POLR2B: variants seen among roughly 807,000 people sequenced by gnomAD.
POLR2B encodes RNA polymerase II subunit B, also known as DNA-directed RNA polymerase II subunit RPB2.
In POLR2B, 57 loss-of-function variants were observed where a neutral mutation model predicts 144.6. That is an observed-to-expected ratio of 0.39 (90% CI 0.32 to 0.49). The LOEUF (loss-of-function observed/expected upper bound fraction) is 0.49, where lower values mean the gene tolerates loss of function less well. Among genes scored for constraint, POLR2B ranks in the 20% least tolerant of loss-of-function variants. POLR2B has a pLI of 0.83. For synonymous variants in POLR2B, 442 were observed against 469.8 expected, an observed-to-expected ratio of 0.94 and a Z score of 0.77; for missense variants, 595 against 1,467.4, an observed-to-expected ratio of 0.41 and a Z score of 9.71.
At chr4:56,986,202 T>C (rs901569683) in intron 1 of POLR2B, 152 bp from the exon 2 acceptor site, 2 of 721,192 alleles carry the variant, frequency 2.8e-6, no homozygotes, top group Non-Finnish European at 2.5e-6. Flanking sequence ...TAAATTATTT[T>C]ATTAATGTAA....
chr4:57,013,194 C>G (rs1465958797), intron 13 of POLR2B, among the ~76,000 whole-genome samples: 1 of 152,122 alleles, frequency 6.6e-6, no homozygotes, highest in African/African-American at 2.4e-5. Context: ...CCAGGCTGGT[C>G]TTGAAGTCCT....
intron 6 of POLR2B, 78 bp from the exon 7 acceptor site, chr4:56,999,539 T>A: frequency 1.1e-6 from 1 of 893,936 alleles, no homozygotes; most frequent in East Asian, 2.6e-5. Context: ...TATATATATA[T>A]TAAATAGTTC....
chr4:56,990,854 C>T lies in POLR2B; in HGVS notation c.199C>T (p.Leu67=). ...TGTGGAAGACGCTCCTCCTATAGAC[C>T]TACAGGCTGAAGCTCAGCATGCTAG... ...RIVEDAPPID[L]QAEAQHASGE... is the part of the protein sequence containing the mutation. Residue 67 remains leucine, a synonymous_variant, in exon 3 of 25, where the codon CTA becomes TTA. Transcript: ENST00000314595. 2 of 1,613,462 alleles carry T rather than the reference C, an allele frequency of 1.2e-6. No individual in the cohort carries two copies. The highest frequency in any genetic ancestry group is 1.7e-6 in the Non-Finnish European group (2 of 1,179,646).
At chr4:56,979,862 A>G (rs1031807974) in intron 1 of POLR2B, among the ~76,000 whole-genome samples, 3 of 150,408 alleles carry the variant, frequency 2.0e-5, no homozygotes, top group African/African-American at 4.9e-5. Context: ...TCGCACCACT[A>G]CACCACAGCC....
chr4:57,022,110 TA>T, intron 17 of POLR2B, 41 bp from the exon 18 acceptor site: 1 of 1,214,620 alleles, frequency 8.2e-7, no homozygotes, highest in Non-Finnish European at 1.2e-6. Context: ...GCCCTTTTGT[TA>T]AAAGAAAATA....
rs1164430907 is a variant in POLR2B, at chr4:56,994,278, T to C, written c.244-126T>C. 2.3e-5 allele frequency: 14 copies of C among 605,966 alleles called. No homozygotes were observed. In the Middle Eastern group the frequency reaches 1.3e-3, roughly 55 times the overall value. The allele number at this position is 605,966 out of a possible 1,614,324, so 37.5% of individuals were successfully genotyped here. A position where few individuals can be genotyped will look rare whatever the true frequency, so the allele number is the denominator to read the frequency against. ...TTGGGAAGTCCCCATTTCAGTAAAA[T>C]GGATTAATTTTGCCAGTTTGTAGAG... On this transcript the variant is annotated intron_variant, in intron 3 of 24. Transcript: ENST00000314595.
intron 1 of POLR2B, among the ~76,000 whole-genome samples, chr4:56,983,202 C>G (rs1423982328): frequency 6.6e-6 from 1 of 152,136 alleles, no homozygotes; most frequent in Non-Finnish European, 1.5e-5. Context: ...TGTGCTTCCG[C>G]TACATTGGCC....
In POLR2B at chr4:56,995,008, A is replaced by G. The variant is rs184313866; in HGVS notation, c.576+142A>G. 559 of 657,466 alleles carry G rather than the reference A, an allele frequency of 8.5e-4. 4 individuals are homozygous for G. The highest frequency in any genetic ancestry group is 2.3e-4 in the Non-Finnish European group (92 of 393,446). The allele number at this position is 657,466 out of a possible 1,614,324, so 40.7% of individuals were successfully genotyped here. ...ACAGTTGACTTGTTTAGGGTATGACAGCTAAACTTATATAAACCAAAGCTT... is the reference window on the plus strand; with the variant it reads ...ACAGTTGACTTGTTTAGGGTATGACGGCTAAACTTATATAAACCAAAGCTT... On this transcript the variant is annotated intron_variant, in intron 5 of 24. Transcript: ENST00000314595.
At chr4:57,013,263 C>T (rs948396796) in intron 13 of POLR2B, among the ~76,000 whole-genome samples, 1 of 151,942 alleles carries the variant, frequency 6.6e-6, no homozygotes. Flanking sequence ...AGGTGTGAGC[C>T]ACTGAGCCCA....
chr4:57,002,999 A>G (rs1722901503), intron 7 of POLR2B, among the ~76,000 whole-genome samples: 1 of 152,252 alleles, frequency 6.6e-6, no homozygotes, highest in Non-Finnish European at 1.5e-5. Flanking sequence ...TTGGAAATTT[A>G]GAATATGAGA....
chr4:57,016,182 G>C (rs1395087684), intron 14 of POLR2B, among the ~76,000 whole-genome samples: 1 of 152,114 alleles, frequency 6.6e-6, no homozygotes, highest in Non-Finnish European at 1.5e-5. Flanking sequence ...TGTATCCTTA[G>C]GAGTCACATT....
intron 3 of POLR2B, among the ~76,000 whole-genome samples, chr4:56,993,158 AG>A (rs1722573568): frequency 6.6e-6 from 1 of 151,762 alleles, no homozygotes; most frequent in South Asian, 2.1e-4. Flanking sequence ...TACAAAAATT[AG>A]CCGGGCCTGG....
chr4:57,025,664 G>A lies in POLR2B; in HGVS notation c.3239+127G>A, dbSNP rs1051699643. The A allele has an allele frequency of 1.8e-5, 11 of 609,126 alleles. No homozygotes were observed. In the African/African-American group the frequency reaches 1.8e-4, roughly 10 times the overall value. 37.7% of individuals were successfully genotyped at this position (609,126 alleles called of 1,614,324 possible). A position where few individuals can be genotyped will look rare whatever the true frequency, so the allele number is the denominator to read the frequency against. On this transcript the variant is annotated intron_variant, in intron 23 of 24. Transcript: ENST00000314595. ...TGTTACCCCCATTTCAACAATTATC[G>A]ACTGATGGCCAGTCTTGTTGCATTC...
chr4:56,994,270 C>A, intron 3 of POLR2B, 134 bp from the exon 4 acceptor site: 1 of 600,728 alleles, frequency 1.7e-6, no homozygotes, highest in Admixed American at 2.9e-5. Flanking sequence ...GTCCCCATTT[C>A]AGTAAAATGG....
chr4:57,008,238 T>C (rs1003001919), intron 10 of POLR2B, among the ~76,000 whole-genome samples: 22 of 147,572 alleles, frequency 1.5e-4, no homozygotes, highest in Non-Finnish European at 2.4e-4. Flanking sequence ...AGAGTCTTGC[T>C]GTCTTGCCCA....
At chr4:56,986,617 G>A (rs1051337946) in intron 2 of POLR2B, 191 bp downstream of exon 2, 4 of 439,284 alleles carry the variant, frequency 9.1e-6, no homozygotes, top group African/African-American at 6.1e-5. Context: ...ACCAGATTCC[G>A]AAAATGTTAC....
intron 24 of POLR2B, 64 bp downstream of exon 24, chr4:57,030,463 C>T: frequency 4.9e-6 from 6 of 1,236,494 alleles, no homozygotes; most frequent in Non-Finnish European, 6.8e-6. Context: ...TCTGATTATC[C>T]AGGCAGAATT....
chr4:57,003,733 C>T (rs1722923726), intron 7 of POLR2B, among the ~76,000 whole-genome samples: 2 of 152,006 alleles, frequency 1.3e-5, no homozygotes, highest in Non-Finnish European at 2.9e-5. Flanking sequence ...ATCCCAGCTA[C>T]TCTGGAGGCT....
At position 56,988,108 on chromosome 4, in the gene POLR2B, A is replaced by G. The variant is rs144597786; in HGVS notation, c.92+1682A>G. Among the ~76,000 whole-genome samples the G allele has an allele frequency of 6.2e-4, 94 of 151,988 alleles. 2 individuals carry two copies. In the East Asian group the frequency reaches 0.011, roughly 18 times the overall value. On this transcript the variant is annotated intron_variant, in intron 2 of 24. Transcript: ENST00000314595. Reference sequence around the variant, plus strand: ...TATATTGAGTTTTTGGGATATAAGTATATATTTTTCCATAAGGAGTTGATG... The same window carrying G: ...TATATTGAGTTTTTGGGATATAAGTGTATATTTTTCCATAAGGAGTTGATG...
Sources: gnomAD v4.1 joint callset for allele counts (sites outside exome capture counted in the v4.1 genomes callset) on GRCh38, gnomAD v4.1.1 for gene constraint, MANE v1.5 for transcripts, NCBI Gene and HGNC (gene_info 2026-07-23, HGNC 2026-07-21) for gene names.